The following SPMIP2 variants were observed in gnomAD, a reference collection of about 807,000 sequenced individuals.
SPMIP2 encodes sperm microtubule inner protein 2.
chr4:158,970,319 T>C, the SPMIP2 span, among the ~76,000 whole-genome samples: 2 of 152,108 alleles, frequency 1.3e-5, no homozygotes, highest in Non-Finnish European at 2.9e-5. Flanking sequence ...GGTGGGAGGA[T>C]CACTTGAGCT....
chr4:158,985,188 G>C, the SPMIP2 span, among the ~76,000 whole-genome samples: 16 of 143,408 alleles, frequency 1.1e-4, no homozygotes, highest in East Asian at 3.0e-3. Flanking sequence ...ATTCACAGCC[G>C]AATTCTACCA....
chr4:158,988,120 G>A, the SPMIP2 span, among the ~76,000 whole-genome samples: 185 of 152,148 alleles, frequency 1.2e-3, no homozygotes, highest in Admixed American at 8.5e-4. Context: ...ACAGCTGTAC[G>A]CAAATAAACT....
chr4:158,939,029 T>G, the SPMIP2 span, among the ~76,000 whole-genome samples: 1 of 152,214 alleles, frequency 6.6e-6, no homozygotes, highest in Non-Finnish European at 1.5e-5. Context: ...CTTCTGAAAC[T>G]AAACCAAGTC....
the SPMIP2 span, among the ~76,000 whole-genome samples, chr4:159,022,833 C>T: frequency 1.3e-5 from 2 of 151,858 alleles, no homozygotes; most frequent in Non-Finnish European, 2.9e-5. Context: ...AGATCGAGAC[C>T]ATCCTGGCCA....
the SPMIP2 span, among the ~76,000 whole-genome samples, chr4:159,013,773 A>C: frequency 1.2e-5 from 1 of 86,212 alleles, no homozygotes; most frequent in Non-Finnish European, 2.5e-5. Context: ...TTAGTCTTAA[A>C]AGGGAAGGAA....
At chr4:158,997,872 G>A in the SPMIP2 span, among the ~76,000 whole-genome samples, 23 of 152,116 alleles carry the variant, frequency 1.5e-4, no homozygotes, top group African/African-American at 5.3e-4. Flanking sequence ...GCCCAGGCTG[G>A]TGTCAAACCC....
chr4:159,021,832 A>G, the SPMIP2 span, among the ~76,000 whole-genome samples: 1 of 152,222 alleles, frequency 6.6e-6, no homozygotes, highest in Non-Finnish European at 1.5e-5. Context: ...GGACATTTCC[A>G]TATCTCCAAG....
chr4:158,894,153 C>T, the SPMIP2 span, among the ~76,000 whole-genome samples: 3 of 145,828 alleles, frequency 2.1e-5, no homozygotes, highest in Non-Finnish European at 4.5e-5. Context: ...ATAATCAAGT[C>T]TTTTAAAAAA....
the SPMIP2 span, among the ~76,000 whole-genome samples, chr4:159,058,301 A>G: frequency 6.6e-6 from 1 of 152,024 alleles, no homozygotes; most frequent in Non-Finnish European, 1.5e-5. Context: ...AGGGGACAGG[A>G]AATCCATCAC....
At chr4:158,932,440 G>C in the SPMIP2 span, among the ~76,000 whole-genome samples, 1 of 152,186 alleles carries the variant, frequency 6.6e-6, no homozygotes, top group African/African-American at 2.4e-5. Flanking sequence ...CTGCTCTTCA[G>C]CCTGGGTGAC....
the SPMIP2 span, among the ~76,000 whole-genome samples, chr4:158,951,719 A>G: frequency 1.6e-4 from 25 of 152,350 alleles, no homozygotes; most frequent in Non-Finnish European, 3.4e-4. Flanking sequence ...AGAATGTCAG[A>G]TTAGTGGCAA....
the SPMIP2 span, among the ~76,000 whole-genome samples, chr4:158,943,527 TA>T: frequency 6.6e-6 from 1 of 152,340 alleles, no homozygotes; most frequent in Non-Finnish European, 1.5e-5. Context: ...ATTATACAAT[TA>T]AAATGATTAA....
At chr4:159,074,291 C>T in the SPMIP2 span, among the ~76,000 whole-genome samples, 1 of 152,104 alleles carries the variant, frequency 6.6e-6, no homozygotes, top group East Asian at 1.9e-4. Flanking sequence ...GCTCATATAG[C>T]AGTGAAGGCA....
At chr4:159,067,701 A>C in the SPMIP2 span, among the ~76,000 whole-genome samples, 659 of 152,246 alleles carry the variant, frequency 4.3e-3, 5 homozygotes, top group South Asian at 0.017. Flanking sequence ...GCAAAAGAAA[A>C]TACCATCAGA....
the SPMIP2 span, among the ~76,000 whole-genome samples, chr4:158,976,851 G>A: frequency 7.9e-5 from 12 of 151,680 alleles, no homozygotes; most frequent in Non-Finnish European, 1.5e-4. Flanking sequence ...TAGTAGAGAC[G>A]GGGTTTCACC....
the SPMIP2 span, among the ~76,000 whole-genome samples, chr4:158,979,441 C>G: frequency 1.3e-5 from 2 of 152,210 alleles, no homozygotes; most frequent in East Asian, 3.9e-4. Flanking sequence ...GGCAAGATGG[C>G]TGAGTAGAAA....
chr4:158,902,532 G>T, the SPMIP2 span, among the ~76,000 whole-genome samples: 29 of 152,174 alleles, frequency 1.9e-4, no homozygotes, highest in African/African-American at 6.5e-4. Context: ...ATCCACTGCT[G>T]TCTTCAGAGT....
At chr4:158,922,054 A>AT in the SPMIP2 span, among the ~76,000 whole-genome samples, 1 of 151,584 alleles carries the variant, frequency 6.6e-6, no homozygotes, top group Non-Finnish European at 1.5e-5. Context: ...CACCCAGTTA[A>AT]TTTTTTTGTA....
chr4:158,998,664 A>G, the SPMIP2 span, among the ~76,000 whole-genome samples: 2 of 152,344 alleles, frequency 1.3e-5, no homozygotes, highest in Admixed American at 1.3e-4. Flanking sequence ...TGGGGAAGAC[A>G]CTAAATTATA....
Sources: allele counts gnomAD v4.1 joint callset (sites outside exome capture counted in the v4.1 genomes callset), GRCh38; gene constraint gnomAD v4.1.1; transcripts MANE v1.5; gene names NCBI Gene and HGNC (gene_info 2026-07-23, HGNC 2026-07-21).